Variants in H2BC8 observed in about 807,000 individuals in gnomAD.
The protein encoded by H2BC8 is histone H2B type 1-C/E/F/G/I.
A neutral mutation model predicts 6.3 loss-of-function variants in H2BC8; 11 were observed. The ratio of observed to expected loss-of-function variants is 1.75; its 90% CI spans 1.10 to 2.89. The LOEUF is 2.89. Among genes scored for constraint, H2BC8 ranks in the 30% most tolerant of loss-of-function variants. The probability of loss-of-function intolerance (pLI) is 0.00; values close to 1 mark genes in which losing one functional copy is unlikely to be tolerated. For synonymous variants in H2BC8, 150 were observed against 65.8 expected, an observed-to-expected ratio of 2.28 and a Z score of -6.19; for missense variants, 195 against 165.2, an observed-to-expected ratio of 1.18 and a Z score of -0.99.
In H2BC8 at chr6:26,216,688, T is replaced by A; in HGVS notation, c.-45A>T. On this transcript the variant is annotated 5_prime_UTR_variant, in exon 1 of 1. Transcript: ENST00000541790. ...AGCAGTGAGAATGAACGCACTTAAA[T>A]AAAAGCTCGTGTCTAGAGTCTCTCC... 1 of 1,572,094 alleles carries A rather than the reference T, an allele frequency of 6.4e-7. No individual in the cohort carries two copies.
rs1765416283 is a variant in H2BC8, at chr6:26,216,688, T to C, written c.-45A>G. On this transcript the variant is annotated 5_prime_UTR_variant, in exon 1 of 1. Coordinates refer to ENST00000541790, the MANE Select transcript of H2BC8 (RefSeq NM_003518.4). ...AGCAGTGAGAATGAACGCACTTAAA[T>C]AAAAGCTCGTGTCTAGAGTCTCTCC... 1.3e-6 allele frequency: 2 copies of C among 1,572,094 alleles called. No homozygotes were observed. The highest frequency in any genetic ancestry group is 1.7e-6 in the Non-Finnish European group (2 of 1,162,666).
rs767133701 is a variant in H2BC8 at position 26,216,422 on chromosome 6, G to T, written c.222C>A (p.Ile74=). 1 of 1,614,090 alleles carries T rather than the reference G, an allele frequency of 6.2e-7. No individual in the cohort carries two copies. Among genetic ancestry groups the T allele is most frequent in the Non-Finnish European group, 8.5e-7 (1 of 1,180,050 alleles). ...NSFVNDIFER[I]AGEASRLAHY... Reference sequence around the variant, plus strand: ...GGGCCAGACGGGAAGCCTCGCCTGCGATGCGTTCGAAGATGTCGTTAACGA... The same window carrying T: ...GGGCCAGACGGGAAGCCTCGCCTGCTATGCGTTCGAAGATGTCGTTAACGA... The change falls in exon 1 of 1, where the codon ATC becomes ATA. Residue 74 remains isoleucine (I), a synonymous_variant. Coordinates refer to ENST00000541790, the MANE Select transcript of H2BC8 (RefSeq NM_003518.4).
In H2BC8 at chr6:26,216,216, GTGGCTCTGAAAAGAGCCT is replaced by G; in HGVS notation, c.*29_*46del. On this transcript the variant is annotated 3_prime_UTR_variant, in exon 1 of 1. Coordinates refer to ENST00000541790, the MANE Select transcript of H2BC8 (RefSeq NM_003518.4). ...TTAAAGCTCTTTATGTGAGACTTGA[GTGGCTCTGAAAAGAGCCT>G]TTGAGTTTTAAAGCACCTAAGCACA... The G allele has an allele frequency of 2.6e-6, 4 of 1,518,616 alleles. No individual in the cohort carries two copies. The highest frequency in any genetic ancestry group is 3.5e-6 in the Non-Finnish European group (4 of 1,131,438). 94.1% of individuals were successfully genotyped at this position (1,518,616 alleles called of 1,614,324 possible). A position where few individuals can be genotyped will look rare whatever the true frequency, so the allele number is the denominator to read the frequency against.
In H2BC8 at chr6:26,216,647, G is replaced by C. The variant is rs376419143; in HGVS notation, c.-4C>G. On this transcript the variant is annotated 5_prime_UTR_variant, in exon 1 of 1. Transcript: ENST00000541790. ...CTGACTTAGCTGGTTCAGGCATGCT[G>C]TCAGAAAACAATAACAGCAGTGAGA... is the stretch of plus-strand genomic sequence containing the variant. 3.7e-6 allele frequency: 6 copies of C among 1,607,546 alleles called. No homozygotes were observed. Among genetic ancestry groups the C allele is most frequent in the South Asian group, 1.1e-5 (1 of 90,346 alleles).
Position 26,216,528 on chromosome 6 carries a change from G to A in H2BC8, c.116C>T (p.Ser39Phe). 6 of 1,614,234 alleles carry A rather than the reference G, an allele frequency of 3.7e-6. No individual in the cohort carries two copies. The highest frequency in any genetic ancestry group is 5.1e-6 in the Non-Finnish European group (6 of 1,180,034). Reference protein sequence around the residue: ...KRKRSRKESYSVYVYKVLKQV... With the variant: ...KRKRSRKESYFVYVYKVLKQV... ...TTTTAGCACCTTGTACACATACACGGAGTAGCTCTCCTTACGACTGCGCTT... is the reference window on the plus strand; with the variant it reads ...TTTTAGCACCTTGTACACATACACGAAGTAGCTCTCCTTACGACTGCGCTT... Residue 39 changes from serine to phenylalanine, a missense_variant, in exon 1 of 1, where the codon TCC becomes TTC. By Grantham distance (155) the Ser-to-Phe change is radical. Transcript: ENST00000541790.
chr6:26,216,583 T>A lies in H2BC8; in HGVS notation c.61A>T (p.Lys21Ter). 1 of 1,614,230 alleles carries A rather than the reference T, an allele frequency of 6.2e-7. No individual in the cohort carries two copies. The highest frequency in any genetic ancestry group is 8.5e-7 in the Non-Finnish European group (1 of 1,180,036). Residue 21 changes from lysine (K) to a stop codon, truncating the protein, a stop_gained, in exon 1 of 1, where the codon AAG becomes TAG. Transcript: ENST00000541790. LOFTEE classifies it high-confidence loss of function. ...TTCTTGCCATCCTTCTTCTGCGCCT[T>A]GGTCACAGCCTTCTTGGAACCCTTC... ...PKKGSKKAVT[K>*]AQKKDGKKRK...
rs1273327258 is a variant in H2BC8 at position 26,216,537 on chromosome 6, T to TA, written c.106_107insT (p.Glu36ValfsTer33). On this transcript the variant is annotated frameshift_variant, in exon 1 of 1. Coordinates refer to ENST00000541790, the MANE Select transcript of H2BC8 (RefSeq NM_003518.4). LOFTEE classifies it high-confidence loss of function. ...CTTGTACACATACACGGAGTAGCTC[T>TA]CCTTACGACTGCGCTTGCGCTTCTT... The TA allele has an allele frequency of 1.9e-6, 3 of 1,614,230 alleles. No homozygotes were observed. The highest frequency in any genetic ancestry group is 2.5e-6 in the Non-Finnish European group (3 of 1,180,032).
rs1261172948 is a variant in H2BC8, at chr6:26,216,671, G to C, written c.-28C>G. On this transcript the variant is annotated 5_prime_UTR_variant, in exon 1 of 1. Coordinates refer to ENST00000541790, the MANE Select transcript of H2BC8 (RefSeq NM_003518.4). Reference sequence around the variant, plus strand: ...TGTCAGAAAACAATAACAGCAGTGAGAATGAACGCACTTAAATAAAAGCTC... The same window carrying C: ...TGTCAGAAAACAATAACAGCAGTGACAATGAACGCACTTAAATAAAAGCTC... The C allele has an allele frequency of 5.0e-6, 8 of 1,588,352 alleles. No homozygotes were observed. Among genetic ancestry groups the C allele is most frequent in the South Asian group, 3.4e-5 (3 of 87,654 alleles).
chr6:26,216,386 C>T lies in H2BC8; in HGVS notation c.258G>A (p.Lys86=), dbSNP rs202170052. Reference sequence around the variant, plus strand: ...TCTCCCTGGAGGTAATGGTCGAGCGCTTGTTGTAGTGGGCCAGACGGGAAG... The same window carrying T: ...TCTCCCTGGAGGTAATGGTCGAGCGTTTGTTGTAGTGGGCCAGACGGGAAG... The part of the protein sequence containing the change: ...GEASRLAHYN[K]RSTITSREIQ... Residue 86 remains lysine, a synonymous_variant, in exon 1 of 1, where the codon AAG becomes AAA. Coordinates refer to ENST00000541790, the MANE Select transcript of H2BC8 (RefSeq NM_003518.4). 2.5e-6 allele frequency: 4 copies of T among 1,614,174 alleles called. No homozygotes were observed. The African/African-American group carries it at 5.3e-5, about 22-fold the overall frequency.
chr6:26,216,380 C>T lies in H2BC8; in HGVS notation c.264G>A (p.Ser88=), dbSNP rs765729377. 3.1e-6 allele frequency: 5 copies of T among 1,614,006 alleles called. No homozygotes were observed. In the African/African-American group the frequency reaches 4.0e-5, roughly 13 times the overall value. ...TCTGGATCTCCCTGGAGGTAATGGT[C>T]GAGCGCTTGTTGTAGTGGGCCAGAC... ...ASRLAHYNKR[S]TITSREIQTA... is the part of the protein sequence containing the mutation. Residue 88 remains serine, a synonymous_variant, in exon 1 of 1, where the codon TCG becomes TCA. Transcript: ENST00000541790.
At position 26,216,581 on chromosome 6, in the gene H2BC8, C is replaced by T. The variant is rs890701531; in HGVS notation, c.63G>A (p.Lys21=). ...GCTTCTTGCCATCCTTCTTCTGCGC[C>T]TTGGTCACAGCCTTCTTGGAACCCT... ...PKKGSKKAVT[K]AQKKDGKKRK... The change falls in exon 1 of 1, where the codon AAG becomes AAA. Residue 21 remains lysine, a synonymous_variant. Coordinates refer to ENST00000541790, the MANE Select transcript of H2BC8 (RefSeq NM_003518.4). The T allele has an allele frequency of 1.9e-6, 3 of 1,614,262 alleles. No individual in the cohort carries two copies. Among genetic ancestry groups the T allele is most frequent in the Non-Finnish European group, 1.7e-6 (2 of 1,180,046 alleles).
rs781421534 is a variant in H2BC8 at position 26,216,520 on chromosome 6, C to A, written c.124G>T (p.Val42Leu). ...TGAACCTGTTTTAGCACCTTGTACA[C>A]ATACACGGAGTAGCTCTCCTTACGA... ...RSRKESYSVY[V>L]YKVLKQVHPD... The change falls in exon 1 of 1, where the codon GTG becomes TTG. Residue 42 changes from valine (V) to leucine (L), a missense_variant. Coordinates refer to ENST00000541790, the MANE Select transcript of H2BC8 (RefSeq NM_003518.4). 1.2e-6 allele frequency: 2 copies of A among 1,614,234 alleles called. No homozygotes were observed. Among genetic ancestry groups the A allele is most frequent in the Non-Finnish European group, 1.7e-6 (2 of 1,180,042 alleles).
In H2BC8 at chr6:26,216,604, C is replaced by T. The variant is rs780781537; in HGVS notation, c.40G>A (p.Gly14Ser). Residue 14 changes from glycine (G) to serine (S), a missense_variant, in exon 1 of 1, where the codon GGT becomes AGT. Coordinates refer to ENST00000541790, the MANE Select transcript of H2BC8 (RefSeq NM_003518.4). ...PAKSAPAPKKGSKKAVTKAQK... is the reference protein window; with the variant it reads ...PAKSAPAPKKSSKKAVTKAQK... ...GCCTTGGTCACAGCCTTCTTGGAAC[C>T]CTTCTTCGGAGCAGGAGCTGACTTA... 3 of 1,614,116 alleles carry T rather than the reference C, an allele frequency of 1.9e-6. No homozygotes were observed. The highest frequency in any genetic ancestry group is 2.2e-5 in the South Asian group (2 of 91,082).
chr6:26,216,203 A>T lies in H2BC8; in HGVS notation c.*60T>A. ...GTGAAATTCAATATTAAAGCTCTTT[A>T]TGTGAGACTTGAGTGGCTCTGAAAA... On this transcript the variant is annotated 3_prime_UTR_variant, in exon 1 of 1. Transcript: ENST00000541790. The T allele has an allele frequency of 6.7e-7, 1 of 1,501,442 alleles. No homozygotes were observed. The highest frequency in any genetic ancestry group is 8.9e-7 in the Non-Finnish European group (1 of 1,119,862). 93.0% of individuals were successfully genotyped at this position (1,501,442 alleles called of 1,614,324 possible).
chr6:26,216,583 T>C lies in H2BC8; in HGVS notation c.61A>G (p.Lys21Glu), dbSNP rs1351819616. 7.4e-6 allele frequency: 12 copies of C among 1,614,230 alleles called. No individual in the cohort carries two copies. Among genetic ancestry groups the C allele is most frequent in the Non-Finnish European group, 1.0e-5 (12 of 1,180,036 alleles). ...TTCTTGCCATCCTTCTTCTGCGCCT[T>C]GGTCACAGCCTTCTTGGAACCCTTC... Reference protein sequence around the residue: ...PKKGSKKAVTKAQKKDGKKRK... With the variant: ...PKKGSKKAVTEAQKKDGKKRK... The change falls in exon 1 of 1, where the codon AAG (lysine) becomes GAG (glutamate). Residue 21 changes from lysine (K) to glutamate (E), a missense_variant. By Grantham distance (56) the Lys-to-Glu change is moderately conservative. Transcript: ENST00000541790.
Position 26,216,590 on chromosome 6 carries a change from A to T in H2BC8, c.54T>A (p.Ala18=). ...CATCCTTCTTCTGCGCCTTGGTCAC[A>T]GCCTTCTTGGAACCCTTCTTCGGAG... The part of the protein sequence containing the change: ...APAPKKGSKK[A]VTKAQKKDGK... Residue 18 remains alanine (A), a synonymous_variant, in exon 1 of 1, where the codon GCT becomes GCA. Coordinates refer to ENST00000541790, the MANE Select transcript of H2BC8 (RefSeq NM_003518.4). The T allele has an allele frequency of 6.2e-7, 1 of 1,614,202 alleles. No individual in the cohort carries two copies. The highest frequency in any genetic ancestry group is 8.5e-7 in the Non-Finnish European group (1 of 1,180,036).
Position 26,216,302 on chromosome 6 carries a change from T to C in H2BC8, c.342A>G (p.Glu114=), listed in dbSNP as rs1044211051. ...PGELAKHAVS[E]GTKAVTKYTS... ...TATACTTGGTGACAGCCTTGGTACC[T>C]TCGGACACTGCGTGCTTGGCCAGCT... The change falls in exon 1 of 1, where the codon GAA becomes GAG. Residue 114 remains glutamate, a synonymous_variant. Transcript: ENST00000541790. The C allele has an allele frequency of 3.1e-6, 5 of 1,613,070 alleles. No individual in the cohort carries two copies. Among genetic ancestry groups the C allele is most frequent in the African/African-American group, 2.7e-5 (2 of 75,028 alleles).
In H2BC8 at chr6:26,216,671, G is replaced by T. The variant is rs1261172948; in HGVS notation, c.-28C>A. 5 of 1,588,352 alleles carry T rather than the reference G, an allele frequency of 3.1e-6. No individual in the cohort carries two copies. Among genetic ancestry groups the T allele is most frequent in the Non-Finnish European group, 4.3e-6 (5 of 1,169,982 alleles). On this transcript the variant is annotated 5_prime_UTR_variant, in exon 1 of 1. Transcript: ENST00000541790. ...TGTCAGAAAACAATAACAGCAGTGA[G>T]AATGAACGCACTTAAATAAAAGCTC... is the stretch of plus-strand genomic sequence containing the variant.
In H2BC8 at chr6:26,216,440, G is replaced by GT; in HGVS notation, c.203dup (p.Asn68LysfsTer81). ...CGCCTGCGATGCGTTCGAAGATGTC[G>GT]TTAACGAAGGAATTCATGATGCCCA... On this transcript the variant is annotated frameshift_variant, in exon 1 of 1. Transcript: ENST00000541790. LOFTEE classifies it high-confidence loss of function. 1 of 1,614,220 alleles carries GT rather than the reference G, an allele frequency of 6.2e-7. No homozygotes were observed. Among genetic ancestry groups the GT allele is most frequent in the African/African-American group, 1.3e-5 (1 of 75,054 alleles).
Sources: gnomAD v4.1 joint callset for allele counts on GRCh38, gnomAD v4.1.1 for gene constraint, MANE v1.5 for transcripts, NCBI Gene and HGNC (gene_info 2026-07-23, HGNC 2026-07-21) for gene names.